Variants in EPHA6 observed in about 807,000 individuals in gnomAD.
EPHA6 encodes EPH receptor A6, also known as ephrin type-A receptor 6.
In EPHA6, 50 loss-of-function variants were observed where a neutral mutation model predicts 112.0. That is an observed-to-expected ratio of 0.45 (90% CI 0.36 to 0.56). The LOEUF (loss-of-function observed/expected upper bound fraction) is 0.56, where lower values mean the gene tolerates loss of function less well. Among genes scored for constraint, EPHA6 ranks in the 20% least tolerant of loss-of-function variants. The pLI, the probability that EPHA6 is intolerant of heterozygous loss-of-function variation, is 0.00. For missense variants in EPHA6, 1,280 were observed against 1,417.4 expected (o/e 0.90, Z 1.56); for synonymous variants, 529 against 490.7 (o/e 1.08, Z -1.03).
At chr3:97,466,585 A>G in intron 7 of EPHA6, 2 of 692,978 alleles carry the variant, frequency 2.9e-6, no homozygotes, top group South Asian at 3.4e-5. Context: ...TTCTTCTCTG[A>G]TGGGTTTGTC....
Position 97,327,949 on chromosome 3 carries a change from A to G in EPHA6, c.1607-77201A>G, listed in dbSNP as rs545615904. ...CATATATATGTATATGTGTATGTAT[A>G]TGTATCTGTGTGTATATATATGTAT... On this transcript the variant is annotated intron_variant, in intron 5 of 17. Transcript: ENST00000389672. 4.9e-5 allele frequency among the ~76,000 whole-genome samples: 6 copies of G among 122,128 alleles called. No homozygotes were observed. The East Asian group carries it at 1.3e-3, about 26-fold the overall frequency. 80.1% of individuals were successfully genotyped at this position (122,128 alleles called of 152,430 possible). A position where few individuals can be genotyped will look rare whatever the true frequency, so the allele number is the denominator to read the frequency against.
At chr3:97,230,938 C>G (rs1442628790) in intron 4 of EPHA6, among the ~76,000 whole-genome samples, 1 of 152,152 alleles carries the variant, frequency 6.6e-6, no homozygotes, top group Non-Finnish European at 1.5e-5. Flanking sequence ...GAGAGATACA[C>G]TTACAAATGG....
intron 3 of EPHA6, among the ~76,000 whole-genome samples, chr3:97,203,793 G>C (rs2077641136): frequency 6.6e-6 from 1 of 152,112 alleles, no homozygotes; most frequent in Admixed American, 6.6e-5. Context: ...TGTGGAAGAA[G>C]ATTGTCTCTA....
At chr3:97,226,185 A>G (rs565280234) in intron 3 of EPHA6, 79 bp from the exon 4 acceptor site, 95 of 1,170,388 alleles carry the variant, frequency 8.1e-5, no homozygotes, top group Non-Finnish European at 1.0e-4. Flanking sequence ...GTGAATATAA[A>G]TTAAAGTATG....
intron 12 of EPHA6, among the ~76,000 whole-genome samples, chr3:97,603,920 T>C (rs2093661107): frequency 6.6e-6 from 1 of 151,828 alleles, no homozygotes; most frequent in South Asian, 2.1e-4. Flanking sequence ...TGAACCTTAT[T>C]AGCTCTGCAA....
intron 3 of EPHA6, among the ~76,000 whole-genome samples, chr3:97,095,642 A>T (rs1332462923): frequency 6.6e-6 from 1 of 151,860 alleles, no homozygotes; most frequent in Non-Finnish European, 1.5e-5. Flanking sequence ...CTTTTAAGTG[A>T]TGTGTGGCCA....
chr3:97,315,175 G>A (rs2081760848), intron 5 of EPHA6, among the ~76,000 whole-genome samples: 1 of 151,548 alleles, frequency 6.6e-6, no homozygotes, highest in Non-Finnish European at 1.5e-5. Context: ...TCTTATAGAT[G>A]CAGATATTTT....
In EPHA6 at chr3:97,058,955, G is replaced by A. The variant is rs576350489; in HGVS notation, c.1114+70962G>A. On this transcript the variant is annotated intron_variant, in intron 3 of 17. Coordinates refer to ENST00000389672, the MANE Select transcript of EPHA6 (RefSeq NM_001080448.3). ...TCTCAGGTTAACCTCAAGAGCTTGG[G>A]TTATTCATTCTACAACTGGGGCAGC... 4.6e-5 allele frequency among the ~76,000 whole-genome samples: 7 copies of A among 152,270 alleles called. No individual in the cohort carries two copies. In the South Asian group the frequency reaches 1.5e-3, roughly 32 times the overall value.
At chr3:97,744,832 G>A (rs906069984) in intron 16 of EPHA6, among the ~76,000 whole-genome samples, 3 of 152,004 alleles carry the variant, frequency 2.0e-5, no homozygotes, top group African/African-American at 4.8e-5. Context: ...TCGGTGCATC[G>A]AGAATGGCAT....
intron 2 of EPHA6, among the ~76,000 whole-genome samples, chr3:96,969,963 A>G (rs1323390445): frequency 6.6e-6 from 1 of 152,058 alleles, no homozygotes; most frequent in Non-Finnish European, 1.5e-5. Context: ...TGTGATGTTT[A>G]TAAGAATTAT....
intron 13 of EPHA6, among the ~76,000 whole-genome samples, chr3:97,624,215 T>C (rs1190208044): frequency 1.3e-5 from 2 of 151,656 alleles, no homozygotes. Context: ...TAATTTTCTT[T>C]TATTCCTAGC....
intron 7 of EPHA6, among the ~76,000 whole-genome samples, chr3:97,469,163 C>T (rs1286450071): frequency 6.6e-6 from 1 of 151,568 alleles, no homozygotes; most frequent in Non-Finnish European, 1.5e-5. Flanking sequence ...ATTTGATGCT[C>T]CTTGAATTTT....
intron 5 of EPHA6, among the ~76,000 whole-genome samples, chr3:97,324,846 C>A (rs1269331978): frequency 6.6e-6 from 1 of 151,976 alleles, no homozygotes; most frequent in African/African-American, 2.4e-5. Flanking sequence ...AGCCCAGATT[C>A]TAAGTTTTTT....
chr3:97,012,724 A>AGCCCC lies in EPHA6; in HGVS notation c.1114+24731_1114+24732insGCCCC, dbSNP rs1576320530. ...ATCTGCCCCCCTCGGCCTCTCAAGT[A>AGCCCC]CTGGGATTACAGGTATGAGCCACCA... On this transcript the variant is annotated intron_variant, in intron 3 of 17. Transcript: ENST00000389672. Among the ~76,000 whole-genome samples the AGCCCC allele has an allele frequency of 2.0e-5, 3 of 150,058 alleles. No individual in the cohort carries two copies. The East Asian group carries it at 5.9e-4, about 30-fold the overall frequency.
intron 2 of EPHA6, among the ~76,000 whole-genome samples, chr3:96,942,330 C>G (rs545279344): frequency 1.3e-5 from 2 of 152,342 alleles, no homozygotes; most frequent in East Asian, 1.9e-4. Flanking sequence ...ACCCCTCCCC[C>G]AGCCTTGCTG....
chr3:97,052,679 C>T (rs1406953739), intron 3 of EPHA6, among the ~76,000 whole-genome samples: 1 of 152,058 alleles, frequency 6.6e-6, no homozygotes, highest in African/African-American at 2.4e-5. Flanking sequence ...TACCAAGCTG[C>T]TTTAGTTCCT....
intron 3 of EPHA6, among the ~76,000 whole-genome samples, chr3:97,117,395 T>C: frequency 6.6e-6 from 1 of 151,792 alleles, no homozygotes; most frequent in South Asian, 2.1e-4. Flanking sequence ...ATAAAATATT[T>C]GTGTAGACCA....
chr3:97,685,159 CTAGACTACTAT>C (rs1419877225), intron 14 of EPHA6, among the ~76,000 whole-genome samples: 1 of 152,144 alleles, frequency 6.6e-6, no homozygotes, highest in Non-Finnish European at 1.5e-5. Context: ...ATAAATTTGT[CTAGACTACTAT>C]TAATAAACCA....
In EPHA6 at chr3:97,270,075, GT is replaced by G. The variant is rs1288861411; in HGVS notation, c.1606+25793del. 2.0e-5 allele frequency among the ~76,000 whole-genome samples: 3 copies of G among 152,204 alleles called. No homozygotes were observed. The East Asian group carries it at 5.8e-4, about 29-fold the overall frequency. On this transcript the variant is annotated intron_variant, in intron 5 of 17. Transcript: ENST00000389672. ...ATACACTATATCTTTCATATCTTGA[GT>G]TTTTGTTGCCTAGACGTAGTCAATA...
Sources: gnomAD v4.1 joint callset for allele counts (sites outside exome capture counted in the v4.1 genomes callset) on GRCh38, gnomAD v4.1.1 for gene constraint, MANE v1.5 for transcripts, NCBI Gene and HGNC (gene_info 2026-07-23, HGNC 2026-07-21) for gene names.